The following FARP1 variants were observed in gnomAD, a reference collection of about 807,000 sequenced individuals.
FARP1 encodes FERM, ARHGEF and pleckstrin domain-containing protein 1.
A neutral mutation model predicts 128.8 loss-of-function variants in FARP1; 52 were observed. That is an observed-to-expected ratio of 0.40 (90% CI 0.32 to 0.51). FARP1 has a LOEUF of 0.51. Ranked by LOEUF, FARP1 falls within the 20% of genes least tolerant of loss-of-function variation. The pLI is 0.45. For synonymous variants in FARP1, 580 were observed against 551.8 expected, an observed-to-expected ratio of 1.05 and a Z score of -0.72; for missense variants, 1,333 against 1,367.9, an observed-to-expected ratio of 0.97 and a Z score of 0.40.
chr13:98,369,677 C>G (rs913960349), intron 5 of FARP1, among the ~76,000 whole-genome samples: 6 of 152,058 alleles, frequency 3.9e-5, no homozygotes, highest in Non-Finnish European at 8.8e-5. Flanking sequence ...CATCCATGTC[C>G]CTACAAAGGA....
chr13:98,349,020 G>A (rs1397143113), intron 3 of FARP1, among the ~76,000 whole-genome samples: 2 of 152,178 alleles, frequency 1.3e-5, no homozygotes, highest in Non-Finnish European at 2.9e-5. Context: ...TGGATCTCCC[G>A]TCGGAAAGAG....
At chr13:98,409,576 TTGTG>T in intron 14 of FARP1, 51 bp downstream of exon 14, 2 of 1,457,930 alleles carry the variant, frequency 1.4e-6, no homozygotes, top group Non-Finnish European at 1.8e-6. Flanking sequence ...GCACGTGTGT[TTGTG>T]TGAATTTTAA....
intron 2 of FARP1, among the ~76,000 whole-genome samples, chr13:98,246,916 CCT>C (rs1432735864): frequency 6.6e-6 from 1 of 152,166 alleles, no homozygotes; most frequent in Non-Finnish European, 1.5e-5. Flanking sequence ...GGCTGGAACT[CCT>C]GTGTTTAAGA....
At chr13:98,396,468 AG>A (rs1890554199) in intron 13 of FARP1, 2 of 382,290 alleles carry the variant, frequency 5.2e-6, no homozygotes, top group Non-Finnish European at 9.3e-6. Flanking sequence ...AGGATGAGTG[AG>A]GAACAGGAGG....
At chr13:98,212,040 A>G (rs1206343561) in intron 1 of FARP1, among the ~76,000 whole-genome samples, 1 of 152,226 alleles carries the variant, frequency 6.6e-6, no homozygotes, top group Non-Finnish European at 1.5e-5. Context: ...GCTCTGCACC[A>G]GATGCCAGGA....
At chr13:98,437,173 A>G (rs1184017842) in intron 19 of FARP1, among the ~76,000 whole-genome samples, 1 of 152,266 alleles carries the variant, frequency 6.6e-6, no homozygotes, top group Non-Finnish European at 1.5e-5. Flanking sequence ...GAATAGTGGC[A>G]TTAACTACAT....
chr13:98,230,076 C>T (rs1306961608), intron 2 of FARP1, among the ~76,000 whole-genome samples: 2 of 152,140 alleles, frequency 1.3e-5, no homozygotes, highest in African/African-American at 4.8e-5. Context: ...TGAGACATTG[C>T]CTCTTACTTG....
chr13:98,399,993 T>G (rs1421765798), intron 13 of FARP1: 1 of 152,210 alleles, frequency 6.6e-6, no homozygotes, highest in Non-Finnish European at 1.5e-5. Context: ...CAATATTTTA[T>G]TAGATAGGCG....
chr13:98,297,684 C>T (rs1271695783), intron 2 of FARP1, among the ~76,000 whole-genome samples: 2 of 152,132 alleles, frequency 1.3e-5, no homozygotes, highest in Non-Finnish European at 2.9e-5. Flanking sequence ...AACGGGCTGA[C>T]ATGTAAGCAA....
intron 3 of FARP1, among the ~76,000 whole-genome samples, chr13:98,363,444 A>G (rs1206521858): frequency 3.3e-5 from 5 of 152,214 alleles, no homozygotes; most frequent in African/African-American, 1.2e-4. Flanking sequence ...TGCGGCTTCC[A>G]GTGCTAGCCA....
In FARP1 at chr13:98,343,829, A is replaced by G. The variant is rs1333524632; in HGVS notation, c.239A>G (p.Tyr80Cys). ...CNHLNLVEGD[Y>C]FGLEFPDHKK... is the part of the protein sequence containing the mutation. Reference sequence around the variant, plus strand: ...CACCTCAACCTCGTGGAAGGTGACTATTTTGGCCTCGAGTTTCCTGATCAC... The same window carrying G: ...CACCTCAACCTCGTGGAAGGTGACTGTTTTGGCCTCGAGTTTCCTGATCAC... The change falls in exon 3 of 27, where the codon TAT (tyrosine) becomes TGT (cysteine). Residue 80 changes from tyrosine to cysteine, a missense_variant. This residue lies in a region of FARP1 where 324 missense variants were observed against 398.1 expected (regional missense o/e 0.81). Coordinates refer to ENST00000319562, the MANE Select transcript of FARP1 (RefSeq NM_005766.4). 4.3e-6 allele frequency: 7 copies of G among 1,613,868 alleles called. No homozygotes were observed. Among genetic ancestry groups the G allele is most frequent in the African/African-American group, 4.0e-5 (3 of 74,924 alleles).
Position 98,193,074 on chromosome 13 carries a change from TC to T in FARP1, c.-23-20145del, listed in dbSNP as rs777229052. Among the ~76,000 whole-genome samples, 479 of 148,908 alleles carry T rather than the reference TC, an allele frequency of 3.2e-3. 4 individuals carry two copies. The highest frequency in any genetic ancestry group is 8.0e-3 in the African/African-American group (327 of 41,044). ...ACCAGACTGTTCTTTTTTTTTTTTT[TC>T]GAGATGGAGTCTCACTCTGTTGCCC... is the stretch of plus-strand genomic sequence containing the variant. On this transcript the variant is annotated intron_variant, in intron 1 of 26. Transcript: ENST00000319562.
At chr13:98,347,134 C>A (rs1294420924) in intron 3 of FARP1, among the ~76,000 whole-genome samples, 7 of 152,190 alleles carry the variant, frequency 4.6e-5, no homozygotes, top group Non-Finnish European at 1.0e-4. Flanking sequence ...TTCCCCTCTG[C>A]CCCAGACACA....
intron 2 of FARP1, among the ~76,000 whole-genome samples, chr13:98,335,724 G>C (rs1004845803): frequency 3.9e-5 from 6 of 152,178 alleles, no homozygotes; most frequent in African/African-American, 2.4e-5. Flanking sequence ...CTGCCCACCT[G>C]GTCAAAATCT....
At chr13:98,446,993 AGT>A (rs2139178243) in intron 26 of FARP1, 176 bp downstream of exon 26, 2 of 646,028 alleles carry the variant, frequency 3.1e-6, no homozygotes, top group South Asian at 3.8e-5. Context: ...CATGGCAGAA[AGT>A]GGGGTCCCAA....
chr13:98,244,184 A>C (rs1420550557), intron 2 of FARP1, among the ~76,000 whole-genome samples: 3 of 152,186 alleles, frequency 2.0e-5, no homozygotes, highest in East Asian at 1.9e-4. Context: ...TTAGTGATGA[A>C]AATACAGTCC....
intron 7 of FARP1, among the ~76,000 whole-genome samples, chr13:98,385,198 A>G (rs1315914315): frequency 1.3e-5 from 2 of 152,196 alleles, no homozygotes; most frequent in Non-Finnish European, 2.9e-5. Context: ...TAGCATCTGC[A>G]TTTTTGTTTT....
Position 98,409,482 on chromosome 13 carries a change from A to G in FARP1, c.1559A>G (p.Gln520Arg). 6.2e-7 allele frequency: 1 copy of G among 1,613,828 alleles called. No homozygotes were observed. Among genetic ancestry groups the G allele is most frequent in the Non-Finnish European group, 8.5e-7 (1 of 1,179,926 alleles). Residue 520 changes from glutamine (Q) to arginine (R), a missense_variant, in exon 14 of 27, where the codon CAG (glutamine) becomes CGG (arginine). Physicochemically the swap from Gln to Arg is conservative, Grantham distance 43. Transcript: ENST00000319562. ...SPLISPLLNDQACPRTDDEDE... is the reference protein window; with the variant it reads ...SPLISPLLNDRACPRTDDEDE... Reference sequence around the variant, plus strand: ...TTGATCAGCCCGCTGCTGAATGACCAGGCCTGCCCCCGGACGGACGATGAG... The same window carrying G: ...TTGATCAGCCCGCTGCTGAATGACCGGGCCTGCCCCCGGACGGACGATGAG...
intron 3 of FARP1, among the ~76,000 whole-genome samples, chr13:98,353,400 C>T (rs1453627103): frequency 2.0e-5 from 3 of 152,120 alleles, no homozygotes; most frequent in African/African-American, 7.2e-5. Context: ...CTTTTTGAAA[C>T]AGAGTTTCAC....
Sources: allele counts gnomAD v4.1 joint callset (sites outside exome capture counted in the v4.1 genomes callset), GRCh38; gene constraint gnomAD v4.1.1; regional missense constraint gnomAD v4.1.1; transcripts MANE v1.5; gene names NCBI Gene and HGNC (gene_info 2026-07-23, HGNC 2026-07-21).